EXD1: variants seen among roughly 807,000 people sequenced by gnomAD.
The protein encoded by EXD1 is piRNA biogenesis protein EXD1.
EXD1 carries 63 observed loss-of-function variants against 49.1 expected under a neutral mutation model. That is an observed-to-expected ratio of 1.28 (90% CI 1.05 to 1.58). The LOEUF is 1.58. Among genes scored for constraint, EXD1 ranks in the 40% most tolerant of loss-of-function variants. EXD1 has a pLI of 0.00. For missense variants in EXD1, 748 were observed against 666.0 expected (o/e 1.12, Z -1.36); for synonymous variants, 234 against 239.2 (o/e 0.98, Z 0.20).
At chr15:41,206,163 A>G (rs1595443558) in intron 7 of EXD1, among the ~76,000 whole-genome samples, 1 of 152,168 alleles carries the variant, frequency 6.6e-6, no homozygotes, top group East Asian at 1.9e-4. Context: ...AGCAATAAGC[A>G]TGTTATTAGA....
chr15:41,216,468 C>T (rs1398479308), intron 5 of EXD1, among the ~76,000 whole-genome samples, 200 bp downstream of exon 5: 2 of 151,970 alleles, frequency 1.3e-5, no homozygotes, highest in African/African-American at 4.8e-5. Flanking sequence ...CCCGTCTCTA[C>T]TAAAAATACA....
rs149108859 is a variant in EXD1 at position 41,184,443 on chromosome 15, C to T, written c.1207G>A (p.Ala403Thr). 3 of 1,614,146 alleles carry T rather than the reference C, an allele frequency of 1.9e-6. No individual in the cohort carries two copies. The highest frequency in any genetic ancestry group is 2.5e-6 in the Non-Finnish European group (3 of 1,180,038). ...LQPKKLVTET[A>T]GKEEKVKGFL... ...CCTTTGACTTTCTCCTCTTTCCCTG[C>T]TGTCTCTGTCACTAATTTCTTTGGC... is the stretch of plus-strand genomic sequence containing the variant. The change falls in exon 12 of 12, where the codon GCA (alanine) becomes ACA (threonine). Residue 403 changes from alanine to threonine, a missense_variant. By Grantham distance (58) the Ala-to-Thr change is moderately conservative. Coordinates refer to ENST00000458580, the MANE Select transcript of EXD1 (RefSeq NM_001286441.2).
At chr15:41,190,671 A>G (rs1187785367) in intron 10 of EXD1, among the ~76,000 whole-genome samples, 1 of 152,220 alleles carries the variant, frequency 6.6e-6, no homozygotes, top group African/African-American at 2.4e-5. Flanking sequence ...AGGTTGGTCA[A>G]TCAAGACTTC....
At chr15:41,194,136 C>T (rs1041413851) in intron 9 of EXD1, among the ~76,000 whole-genome samples, 39 of 151,386 alleles carry the variant, frequency 2.6e-4, no homozygotes, top group African/African-American at 8.7e-4. Flanking sequence ...CTCAGCCTCC[C>T]GAGTAGCTGG....
intron 7 of EXD1, among the ~76,000 whole-genome samples, chr15:41,203,932 A>AAAAC (rs2046775777): frequency 6.8e-6 from 1 of 146,716 alleles, no homozygotes; most frequent in African/African-American, 2.5e-5. Flanking sequence ...AAAAAAAAAA[A>AAAAC]AAAAAAAAAA....
At position 41,202,260 on chromosome 15, in the gene EXD1, T is replaced by A. The variant is rs939615529; in HGVS notation, c.535-6223A>T. Among the ~76,000 whole-genome samples, 3 of 151,936 alleles carry A rather than the reference T, an allele frequency of 2.0e-5. No individual in the cohort carries two copies. The South Asian group carries it at 6.2e-4, about 31-fold the overall frequency. ...CGTGATCTCGGCTCACTGCAGCCTC[T>A]GCCTCCCGGGTTCAAGTAATTCTCG... On this transcript the variant is annotated intron_variant, in intron 7 of 11. Coordinates refer to ENST00000458580, the MANE Select transcript of EXD1 (RefSeq NM_001286441.2).
At chr15:41,211,196 C>T (rs568559631) in intron 6 of EXD1, among the ~76,000 whole-genome samples, 72 of 152,078 alleles carry the variant, frequency 4.7e-4, no homozygotes, top group Non-Finnish European at 8.8e-4. Flanking sequence ...CCTGCAGCTT[C>T]GACCTCCGGG....
At chr15:41,196,061 C>T (rs1326857164) in intron 7 of EXD1, 24 bp from the exon 8 acceptor site, 2 of 1,560,318 alleles carry the variant, frequency 1.3e-6, no homozygotes, top group African/African-American at 1.4e-5. Context: ...TCCAGACACA[C>T]ATACCATAGG....
At chr15:41,221,986 A>C (rs1177614814) in intron 2 of EXD1, among the ~76,000 whole-genome samples, 1 of 151,324 alleles carries the variant, frequency 6.6e-6, no homozygotes, top group Non-Finnish European at 1.5e-5. Context: ...TGTAATCCCA[A>C]CTACGTGGGA....
intron 7 of EXD1, among the ~76,000 whole-genome samples, chr15:41,201,258 C>A (rs973620154): frequency 6.6e-6 from 1 of 151,992 alleles, no homozygotes; most frequent in Non-Finnish European, 1.5e-5. Flanking sequence ...CCAGGGAACA[C>A]CATTTTAAGG....
intron 9 of EXD1, among the ~76,000 whole-genome samples, chr15:41,194,805 A>T (rs2046584878): frequency 6.6e-6 from 1 of 152,220 alleles, no homozygotes; most frequent in Admixed American, 6.6e-5. Flanking sequence ...AACAAACAGC[A>T]ATTATGTTAG....
At chr15:41,190,285 C>T in intron 10 of EXD1, 157 bp from the exon 11 acceptor site, 1 of 704,674 alleles carries the variant, frequency 1.4e-6, no homozygotes, top group South Asian at 1.6e-5. Flanking sequence ...CCATCCTGGC[C>T]AACAAGGTGA....
At chr15:41,224,390 A>T (rs769331868) in intron 2 of EXD1, among the ~76,000 whole-genome samples, 1 of 152,164 alleles carries the variant, frequency 6.6e-6, no homozygotes, top group Non-Finnish European at 1.5e-5. Flanking sequence ...TAGCCCATAA[A>T]AGTCTGTTTT....
chr15:41,202,164 A>AT lies in EXD1; in HGVS notation c.535-6128dup, dbSNP rs1443287437. Among the ~76,000 whole-genome samples, 425 of 132,422 alleles carry AT rather than the reference A, an allele frequency of 3.2e-3. 8 individuals are homozygous for AT. In the East Asian group the frequency reaches 0.039, roughly 12 times the overall value. 86.9% of individuals were successfully genotyped at this position (132,422 alleles called of 152,430 possible). ...GAACTTTCATTATATATATATATAT[A>AT]TATTTTTTTTAATTTAATTTTATTT... is the stretch of plus-strand genomic sequence containing the variant. On this transcript the variant is annotated intron_variant, in intron 7 of 11. Coordinates refer to ENST00000458580, the MANE Select transcript of EXD1 (RefSeq NM_001286441.2).
chr15:41,195,897 A>G, intron 8 of EXD1, 36 bp downstream of exon 8: 6 of 1,610,002 alleles, frequency 3.7e-6, no homozygotes, highest in Non-Finnish European at 4.2e-6. Flanking sequence ...CCTGGCTGCT[A>G]ATCTTAATAG....
At chr15:41,215,546 C>T (rs965293317) in intron 6 of EXD1, among the ~76,000 whole-genome samples, 4 of 151,956 alleles carry the variant, frequency 2.6e-5, no homozygotes, top group African/African-American at 4.8e-5. Flanking sequence ...ATTAGCCAGG[C>T]GTGGTGGCGG....
Position 41,226,556 on chromosome 15 carries a change from T to G in EXD1, c.20A>C (p.Tyr7Ser), listed in dbSNP as rs899547454. 18 of 1,535,972 alleles carry G rather than the reference T, an allele frequency of 1.2e-5. No homozygotes were observed. In the African/African-American group the frequency reaches 2.5e-4, roughly 21 times the overall value. The change falls in exon 2 of 12, where the codon TAC (tyrosine) becomes TCC (serine). Residue 7 changes from tyrosine to serine, a missense_variant. Coordinates refer to ENST00000458580, the MANE Select transcript of EXD1 (RefSeq NM_001286441.2). MDPSSD[Y>S]HFLSQILWKR... is the part of the protein sequence containing the mutation. ...CCACAAAATCTGGCTGAGGAAATGGTAGTCACTGCTGGGGTCCATGCTAAT... is the reference window on the plus strand; with the variant it reads ...CCACAAAATCTGGCTGAGGAAATGGGAGTCACTGCTGGGGTCCATGCTAAT...
chr15:41,185,923 T>G (rs1026384608), intron 11 of EXD1, among the ~76,000 whole-genome samples: 1 of 152,204 alleles, frequency 6.6e-6, no homozygotes, highest in Non-Finnish European at 1.5e-5. Context: ...TGTGGTAGTC[T>G]TTTTCAGTTG....
chr15:41,216,563 G>A (rs1024151199), intron 5 of EXD1, 105 bp downstream of exon 5: 4 of 1,152,396 alleles, frequency 3.5e-6, no homozygotes, highest in Non-Finnish European at 3.6e-6. Flanking sequence ...TCCAGGAGGT[G>A]GAGGTTGCAG....
Sources: gnomAD v4.1 joint callset for allele counts (sites outside exome capture counted in the v4.1 genomes callset) on GRCh38, gnomAD v4.1.1 for gene constraint, MANE v1.5 for transcripts, NCBI Gene and HGNC (gene_info 2026-07-23, HGNC 2026-07-21) for gene names.